DNAH7: variants seen among roughly 807,000 people sequenced by gnomAD.
DNAH7 encodes the protein axonemal beta dynein heavy chain 7.
A neutral mutation model predicts 444.6 loss-of-function variants in DNAH7; 397 were observed. The ratio of observed to expected loss-of-function variants is 0.89; its 90% CI spans 0.82 to 0.97. DNAH7 has a LOEUF of 0.97. DNAH7 is among the 50% of genes least tolerant of loss of function. The probability of loss-of-function intolerance (pLI) is 0.00; values close to 1 mark genes in which losing one functional copy is unlikely to be tolerated. For missense variants in DNAH7, 4,902 were observed against 4,800.8 expected (o/e 1.02, Z -0.62); for synonymous variants, 1,636 against 1,624.4 (o/e 1.01, Z -0.17).
chr2:195,796,482 C>T (rs745943761), intron 56 of DNAH7, 94 bp downstream of exon 56: 38 of 1,421,384 alleles, frequency 2.7e-5, no homozygotes, highest in Non-Finnish European at 3.4e-5. Flanking sequence ...TGCAACGCTC[C>T]AAATTAGAGG....
At chr2:195,990,898 CATAT>C (rs1357130809) in intron 12 of DNAH7, among the ~76,000 whole-genome samples, 1 of 128,636 alleles carries the variant, frequency 7.8e-6, no homozygotes, top group Non-Finnish European at 1.6e-5. Flanking sequence ...TACTTATATA[CATAT>C]ATATACTTAA....
intron 1 of DNAH7, among the ~76,000 whole-genome samples, chr2:196,060,025 C>T (rs1698048201): frequency 6.6e-6 from 1 of 152,130 alleles, no homozygotes; most frequent in Non-Finnish European, 1.5e-5. Flanking sequence ...ACCATCCTGG[C>T]TAACACGGTG....
chr2:195,951,484 C>A (rs910870335), intron 19 of DNAH7, among the ~76,000 whole-genome samples: 3 of 152,088 alleles, frequency 2.0e-5, no homozygotes, highest in African/African-American at 7.2e-5. Flanking sequence ...GGTTGAAGTC[C>A]TGAATATCCT....
Position 195,955,371 on chromosome 2 carries a change from T to A in DNAH7, c.3078+1890A>T, listed in dbSNP as rs973311202. Among the ~76,000 whole-genome samples, 5 of 152,200 alleles carry A rather than the reference T, an allele frequency of 3.3e-5. 1 individual carries two copies. Among genetic ancestry groups the A allele is most frequent in the Admixed American group, 2.0e-4 (3 of 15,284 alleles). ...ATTATTTCTGAGGGCTCTCTTCTGT[T>A]CCATTGGTCTATATCTCTGTTTTGG... On this transcript the variant is annotated intron_variant, in intron 19 of 64. Transcript: ENST00000312428.
At chr2:195,768,968 T>C (rs1223721326) in intron 61 of DNAH7, among the ~76,000 whole-genome samples, 1 of 152,168 alleles carries the variant, frequency 6.6e-6, no homozygotes, top group East Asian at 1.9e-4. Context: ...TATAAAATTG[T>C]CCCAGTTAGA....
At position 195,872,470 on chromosome 2, in the gene DNAH7, CTT is replaced by C. The variant is rs1449888176; in HGVS notation, c.6414-3_6414-2del. The C allele has an allele frequency of 6.4e-7, 1 of 1,564,466 alleles. No individual in the cohort carries two copies. The highest frequency in any genetic ancestry group is 8.7e-7 in the Non-Finnish European group (1 of 1,153,424). ...TAGAAATTCATCTGGAAATTTATAA[CTT>C]AAAAATTTTTTAAATAAAAAGAAAG... On this transcript the variant is annotated splice_acceptor_variant and splice_polypyrimidine_tract_variant and intron_variant, in intron 39 of 64. Coordinates refer to ENST00000312428, the MANE Select transcript of DNAH7 (RefSeq NM_018897.3). LOFTEE classifies it high-confidence loss of function.
rs113823397 is a variant in DNAH7, at chr2:195,767,011, T to A, written c.11433+4649A>T. Among the ~76,000 whole-genome samples the A allele has an allele frequency of 2.5e-3, 383 of 152,224 alleles. 2 individuals are homozygous for A. The highest frequency in any genetic ancestry group is 8.6e-3 in the African/African-American group (358 of 41,576). ...GTCTTAAAATAAGGACTATTTGGCTTTGTTGAGTCTATTATGTTTGTTTTC... is the reference window on the plus strand; with the variant it reads ...GTCTTAAAATAAGGACTATTTGGCTATGTTGAGTCTATTATGTTTGTTTTC... On this transcript the variant is annotated intron_variant, in intron 61 of 64. Coordinates refer to ENST00000312428, the MANE Select transcript of DNAH7 (RefSeq NM_018897.3).
At chr2:195,872,688 C>T (rs371018729) in intron 39 of DNAH7, among the ~76,000 whole-genome samples, 6 of 151,926 alleles carry the variant, frequency 3.9e-5, no homozygotes, top group African/African-American at 1.4e-4. Context: ...CCAAAAGACC[C>T]CTGTGAAATG....
intron 42 of DNAH7, 66 bp from the exon 43 acceptor site, chr2:195,858,870 A>G: frequency 1.4e-6 from 2 of 1,391,586 alleles, no homozygotes; most frequent in Non-Finnish European, 9.7e-7. Context: ...GGAAAAACTT[A>G]AGTGTTTCTG....
At chr2:195,927,131 G>A (rs1688384906) in intron 21 of DNAH7, among the ~76,000 whole-genome samples, 1 of 152,090 alleles carries the variant, frequency 6.6e-6, no homozygotes, top group African/African-American at 2.4e-5. Flanking sequence ...TTCATGGAGA[G>A]TTGAGGGCTG....
At position 195,960,733 on chromosome 2, in the gene DNAH7, T is replaced by C. The variant is rs776413066; in HGVS notation, c.2418A>G (p.Gly806=). The change falls in exon 18 of 65, where the codon GGA becomes GGG. Residue 806 remains glycine (G), a synonymous_variant. Coordinates refer to ENST00000312428, the MANE Select transcript of DNAH7 (RefSeq NM_018897.3). ...VEADIGNYWR[G]LYKLEKTFHD... is the part of the protein sequence containing the mutation. ...GAAAGGTTTTCTCCAGTTTATATAA[T>C]CCTCTCCAGTAATTTCCAATATCTG... 6.8e-6 allele frequency: 11 copies of C among 1,614,074 alleles called. No individual in the cohort carries two copies. The highest frequency in any genetic ancestry group is 2.7e-5 in the African/African-American group (2 of 74,944).
At chr2:195,800,205 C>T (rs922119010) in intron 54 of DNAH7, among the ~76,000 whole-genome samples, 4 of 152,190 alleles carry the variant, frequency 2.6e-5, no homozygotes, top group African/African-American at 9.7e-5. Flanking sequence ...TAGGCCTCTC[C>T]TCCCAACACC....
At chr2:196,005,611 G>GA (rs964893227) in intron 10 of DNAH7, among the ~76,000 whole-genome samples, 3 of 151,796 alleles carry the variant, frequency 2.0e-5, no homozygotes, top group Admixed American at 6.6e-5. Flanking sequence ...TGATAATCTA[G>GA]AAAAAACGGA....
chr2:195,902,418 A>G (rs900380273), intron 27 of DNAH7: 1 of 152,226 alleles, frequency 6.6e-6, no homozygotes, highest in Non-Finnish European at 1.5e-5. Context: ...ATTGCTATAC[A>G]GTTGGTATCT....
intron 12 of DNAH7, among the ~76,000 whole-genome samples, chr2:195,995,851 C>T (rs1054076202): frequency 2.0e-5 from 3 of 152,180 alleles, no homozygotes; most frequent in Admixed American, 2.0e-4. Flanking sequence ...GTTCTTTTTG[C>T]TCAAGATTGC....
Position 195,957,334 on chromosome 2 carries a change from T to G in DNAH7, c.3005A>C (p.Gln1002Pro). ...PIFSSPDIMS[Q>P]MPEEGRRFTA... ...AAATCGTCTGCCTTCCTCAGGCATT[T>G]GAGACATAATGTCTGGAGAGCTGAA... The change falls in exon 19 of 65, where the codon CAA (glutamine) becomes CCA (proline). Residue 1002 changes from glutamine (Q) to proline (P), a missense_variant. Gln to Pro is a moderately conservative substitution (Grantham distance 76). Transcript: ENST00000312428. The G allele has an allele frequency of 6.2e-7, 1 of 1,607,848 alleles. No homozygotes were observed. Among genetic ancestry groups the G allele is most frequent in the Non-Finnish European group, 8.5e-7 (1 of 1,175,804 alleles).
At chr2:195,843,946 A>G (rs938729146) in intron 47 of DNAH7, among the ~76,000 whole-genome samples, 1 of 152,044 alleles carries the variant, frequency 6.6e-6, no homozygotes, top group Non-Finnish European at 1.5e-5. Flanking sequence ...AATACAAAAA[A>G]TTAGCCGGGC....
intron 30 of DNAH7, among the ~76,000 whole-genome samples, chr2:195,892,072 ATGT>A (rs140350656): frequency 0.013 from 2,029 of 152,272 alleles, 49 homozygotes; most frequent in African/African-American, 0.045. Context: ...AAATTAGCAA[ATGT>A]TGTGCAAGAT....
At chr2:195,945,930 C>A (rs775885461) in intron 19 of DNAH7, among the ~76,000 whole-genome samples, 58 of 152,288 alleles carry the variant, frequency 3.8e-4, no homozygotes, top group Non-Finnish European at 8.2e-4. Context: ...GGGTAATTAA[C>A]TAGTTCCCAT....
Sources: allele counts gnomAD v4.1 joint callset (sites outside exome capture counted in the v4.1 genomes callset), GRCh38; gene constraint gnomAD v4.1.1; transcripts MANE v1.5; gene names NCBI Gene and HGNC (gene_info 2026-07-23, HGNC 2026-07-21).